The following DIAPH2 variants were observed in gnomAD, a reference collection of about 807,000 sequenced individuals.
The protein encoded by DIAPH2 is protein diaphanous homolog 2.
Under a neutral mutation model 92.7 loss-of-function variants are expected in DIAPH2, and 35 were observed. The observed-to-expected ratio is 0.38, with a 90% CI of 0.29 to 0.50. DIAPH2 has a LOEUF of 0.50. Ranked by LOEUF, DIAPH2 falls within the 20% of genes least tolerant of loss-of-function variation. The pLI is 0.94. For synonymous variants in DIAPH2, 301 were observed against 280.4 expected (o/e 1.07, Z -0.73); for missense variants, 701 against 819.5 (o/e 0.86, Z 1.77).
chrX:96,957,750 A>G, intron 15 of DIAPH2, 78 bp from the exon 16 acceptor site: 1 of 706,241 alleles, frequency 1.4e-6, no homozygotes. Context: ...TAAACTACAA[A>G]TATCTATTGA....
rs755801585 is a variant in DIAPH2, at chrX:96,960,617, T to TAGGA, written c.1935+2470_1935+2473dup. On this transcript the variant is annotated intron_variant, in intron 16 of 26. Coordinates refer to ENST00000324765, the MANE Select transcript of DIAPH2 (RefSeq NM_006729.5). ...TCTTTGCTTGACTGATGGCTCTGGC[T>TAGGA]AGGACTTCCAGTACTATGTTGAATA... Among the ~76,000 whole-genome samples the TAGGA allele has an allele frequency of 5.1e-4, 57 of 111,502 alleles. 1 individual carries two copies. Among genetic ancestry groups the TAGGA allele is most frequent in the African/African-American group, 1.7e-3 (51 of 30,754 alleles).
chrX:96,980,386 C>T (rs933902265), intron 17 of DIAPH2, among the ~76,000 whole-genome samples: 1 of 111,177 alleles, frequency 9.0e-6, no homozygotes, highest in Non-Finnish European at 1.9e-5. Context: ...CCTCTGAAGT[C>T]AAGCTGCTTC....
At chrX:96,693,303 A>G (rs1402046320) in intron 1 of DIAPH2, among the ~76,000 whole-genome samples, 1 of 112,192 alleles carries the variant, frequency 8.9e-6, no homozygotes, top group East Asian at 2.8e-4. Context: ...CTCAAAACAG[A>G]TAGATGAGTG....
At chrX:97,497,470 C>A (rs1245382943) in intron 26 of DIAPH2, among the ~76,000 whole-genome samples, 2 of 105,256 alleles carry the variant, frequency 1.9e-5, no homozygotes, top group Non-Finnish European at 3.9e-5. Context: ...TTACCACATT[C>A]TCTTTGTACC....
chrX:97,601,959 A>G lies in DIAPH2; in HGVS notation c.*2642A>G, dbSNP rs1031322243. ...TCTCTTTCTGCTGTGTCTTCACATC[A>G]CCCTCCTCTGTATACCTAATCTGCC... On this transcript the variant is annotated 3_prime_UTR_variant, in exon 27 of 27. Coordinates refer to ENST00000324765, the MANE Select transcript of DIAPH2 (RefSeq NM_006729.5). 9 of 111,209 alleles carry G rather than the reference A, an allele frequency of 8.1e-5. No individual in the cohort carries two copies. The highest frequency in any genetic ancestry group is 2.8e-4 in the East Asian group (1 of 3,546). 9.2% of individuals were successfully genotyped at this position (111,209 alleles called of 1,213,427 possible).
chrX:97,291,476 G>A (rs2068590096), intron 23 of DIAPH2, among the ~76,000 whole-genome samples: 1 of 111,535 alleles, frequency 9.0e-6, no homozygotes, highest in African/African-American at 3.3e-5. Flanking sequence ...CTATTGTGAT[G>A]GTAATATTAG....
intron 19 of DIAPH2, among the ~76,000 whole-genome samples, chrX:97,093,905 A>G (rs2066846287): frequency 8.9e-6 from 1 of 111,984 alleles, no homozygotes. Context: ...CTACCGTGTA[A>G]TTTCCCTAGC....
At position 97,050,819 on chromosome X, in the gene DIAPH2, ATATC is replaced by A. The variant is rs1295581977; in HGVS notation, c.2051-22118_2051-22115del. 3.6e-5 allele frequency among the ~76,000 whole-genome samples: 4 copies of A among 111,739 alleles called. No individual in the cohort carries two copies. In the East Asian group the frequency reaches 1.1e-3, roughly 31 times the overall value. ...TTTATTTTTTACATGCTCTCAATGA[ATATC>A]TATACATTCATTACTTTCAGAAATA... On this transcript the variant is annotated intron_variant, in intron 17 of 26. Transcript: ENST00000324765.
chrX:96,701,583 C>A (rs1381474575), intron 1 of DIAPH2: 1 of 110,208 alleles, frequency 9.1e-6, no homozygotes, highest in East Asian at 2.8e-4. Context: ...TGACTGTGAA[C>A]AATCATTCGA....
At chrX:97,498,343 A>T (rs1438615241) in intron 26 of DIAPH2, among the ~76,000 whole-genome samples, 1 of 111,738 alleles carries the variant, frequency 8.9e-6, no homozygotes, top group African/African-American at 3.3e-5. Context: ...TGCCTAACAT[A>T]CATATCCGTT....
At chrX:96,782,741 C>CTTAT (rs1222581633) in intron 4 of DIAPH2, among the ~76,000 whole-genome samples, 2 of 111,213 alleles carry the variant, frequency 1.8e-5, no homozygotes, top group African/African-American at 6.5e-5. Context: ...GCCAATATTT[C>CTTAT]TTATTTATTT....
At chrX:96,983,202 TG>T (rs2066008999) in intron 17 of DIAPH2, among the ~76,000 whole-genome samples, 1 of 111,570 alleles carries the variant, frequency 9.0e-6, no homozygotes, top group African/African-American at 3.3e-5. Flanking sequence ...TTAGTAATAA[TG>T]TTTTTTTAAC....
At chrX:96,849,338 A>G (rs1569412366) in intron 4 of DIAPH2, among the ~76,000 whole-genome samples, 2 of 110,872 alleles carry the variant, frequency 1.8e-5, no homozygotes, top group Admixed American at 9.6e-5. Flanking sequence ...GATAATTTTT[A>G]TATTTTTAGT....
intron 17 of DIAPH2, among the ~76,000 whole-genome samples, chrX:97,015,515 G>A (rs1186641287): frequency 9.0e-6 from 1 of 111,266 alleles, no homozygotes; most frequent in African/African-American, 3.3e-5. Flanking sequence ...TCTTATAGTA[G>A]CAAGTATCCA....
chrX:96,909,396 G>A (rs190283330), intron 5 of DIAPH2, among the ~76,000 whole-genome samples: 27 of 110,730 alleles, frequency 2.4e-4, no homozygotes, highest in Non-Finnish European at 4.2e-4. Flanking sequence ...GGAGGGGGGT[G>A]GAGGAGAAAG....
At chrX:97,045,417 G>A (rs953582676) in intron 17 of DIAPH2, among the ~76,000 whole-genome samples, 21 of 111,649 alleles carry the variant, frequency 1.9e-4, no homozygotes, top group African/African-American at 6.8e-4. Flanking sequence ...ATAGCTAGAG[G>A]TATCAATTTG....
At chrX:97,448,983 C>G (rs1000691035) in intron 26 of DIAPH2, among the ~76,000 whole-genome samples, 4 of 112,272 alleles carry the variant, frequency 3.6e-5, no homozygotes, top group Non-Finnish European at 7.5e-5. Context: ...ACTACCCATT[C>G]CTGATAGTAT....
chrX:96,906,275 A>T (rs1269863506), intron 5 of DIAPH2, among the ~76,000 whole-genome samples: 1 of 112,759 alleles, frequency 8.9e-6, no homozygotes, highest in Non-Finnish European at 1.9e-5. Flanking sequence ...CTTATTTTTA[A>T]ACAAGTCAAT....
intron 4 of DIAPH2, among the ~76,000 whole-genome samples, chrX:96,830,233 T>C (rs1007744491): frequency 3.1e-4 from 35 of 111,251 alleles, no homozygotes; most frequent in African/African-American, 1.1e-3. Context: ...GCAACACATA[T>C]GGCAAAGGGC....
Sources: allele counts gnomAD v4.1 joint callset (sites outside exome capture counted in the v4.1 genomes callset), GRCh38; gene constraint gnomAD v4.1.1; transcripts MANE v1.5; gene names NCBI Gene and HGNC (gene_info 2026-07-23, HGNC 2026-07-21).